Variants in CLEC16A observed in about 807,000 individuals in gnomAD.
The protein encoded by CLEC16A is C-type lectin domain containing 16A.
Under a neutral mutation model 109.5 loss-of-function variants are expected in CLEC16A, and 51 were observed. That is an observed-to-expected ratio of 0.47 (90% CI 0.37 to 0.59). CLEC16A has a LOEUF of 0.59. Ranked by LOEUF, CLEC16A falls within the 20% of genes least tolerant of loss-of-function variation. CLEC16A has a pLI of 0.00. For synonymous variants in CLEC16A, 673 were observed against 564.2 expected, an observed-to-expected ratio of 1.19 and a Z score of -2.73; for missense variants, 1,339 against 1,394.0, an observed-to-expected ratio of 0.96 and a Z score of 0.63.
At chr16:10,996,933 A>G (rs1314261646) in intron 10 of CLEC16A, among the ~76,000 whole-genome samples, 1 of 152,188 alleles carries the variant, frequency 6.6e-6, no homozygotes, top group Non-Finnish European at 1.5e-5. Flanking sequence ...AACTTCATTG[A>G]AAATCCTCTT....
At chr16:10,985,468 A>G (rs1002765653) in intron 10 of CLEC16A, among the ~76,000 whole-genome samples, 8 of 151,886 alleles carry the variant, frequency 5.3e-5, no homozygotes, top group African/African-American at 1.9e-4. Flanking sequence ...GTTTACCGTG[A>G]AACCTGCCCA....
intron 22 of CLEC16A, among the ~76,000 whole-genome samples, chr16:11,156,839 C>T (rs939898813): frequency 3.3e-5 from 5 of 152,096 alleles, no homozygotes; most frequent in Admixed American, 6.6e-5. Context: ...CCCCCATGTG[C>T]CATCCAACCC....
At chr16:10,979,034 C>G (rs1567533293) in intron 8 of CLEC16A, among the ~76,000 whole-genome samples, 1 of 152,052 alleles carries the variant, frequency 6.6e-6, no homozygotes, top group Non-Finnish European at 1.5e-5. Flanking sequence ...CCAGCTGGTA[C>G]AAATGAACGT....
At position 10,993,565 on chromosome 16, in the gene CLEC16A, T is replaced by G. The variant is rs180996856; in HGVS notation, c.1072-9509T>G. ...TCTCACACTGTTTCTATTCCAAGTC[T>G]TTTTATCACCACTTGCAATTATGTT... On this transcript the variant is annotated intron_variant, in intron 10 of 23. Coordinates refer to ENST00000409790, the MANE Select transcript of CLEC16A (RefSeq NM_015226.3). Among the ~76,000 whole-genome samples the G allele has an allele frequency of 1.2e-4, 18 of 152,356 alleles. No individual in the cohort carries two copies. In the East Asian group the frequency reaches 3.3e-3, roughly 28 times the overall value.
chr16:11,030,247 T>C (rs755204369), intron 13 of CLEC16A, among the ~76,000 whole-genome samples: 4 of 152,244 alleles, frequency 2.6e-5, no homozygotes, highest in Non-Finnish European at 5.9e-5. Flanking sequence ...TACATTCTTT[T>C]CTCTTGGATA....
At chr16:10,997,314 G>C (rs2044388411) in intron 10 of CLEC16A, among the ~76,000 whole-genome samples, 1 of 152,200 alleles carries the variant, frequency 6.6e-6, no homozygotes, top group African/African-American at 2.4e-5. Flanking sequence ...GTACATAAAA[G>C]TTTAGTAATC....
At chr16:11,126,515 G>A in intron 22 of CLEC16A, 1 of 883,936 alleles carries the variant, frequency 1.1e-6, no homozygotes, top group Non-Finnish European at 1.6e-6. Flanking sequence ...AGTGTGTTTG[G>A]TTCCGGTTAC....
intron 8 of CLEC16A, 104 bp downstream of exon 8, chr16:10,977,503 A>AC: frequency 1.9e-6 from 2 of 1,054,020 alleles, no homozygotes; most frequent in South Asian, 1.7e-5. Context: ...ATCAGGACTG[A>AC]GGTTTTTTTT....
At chr16:11,043,946 C>T in intron 15 of CLEC16A, 82 bp from the exon 16 acceptor site, 1 of 1,062,550 alleles carries the variant, frequency 9.4e-7, no homozygotes, top group Non-Finnish European at 1.4e-6. Context: ...TATACACACT[C>T]ATGTTTTAGA....
intron 22 of CLEC16A, among the ~76,000 whole-genome samples, chr16:11,143,238 G>A (rs997310822): frequency 2.0e-5 from 3 of 152,204 alleles, no homozygotes; most frequent in Non-Finnish European, 4.4e-5. Flanking sequence ...CATTACTAAT[G>A]CATTTATAAT....
chr16:11,042,509 C>A (rs1478659175), intron 15 of CLEC16A, 146 bp downstream of exon 15: 1 of 576,380 alleles, frequency 1.7e-6, no homozygotes, highest in East Asian at 3.0e-5. Context: ...TCTCTTGAGA[C>A]CCCACTCCAA....
intron 22 of CLEC16A, among the ~76,000 whole-genome samples, chr16:11,165,036 C>G (rs1333152857): frequency 2.6e-5 from 4 of 152,058 alleles, no homozygotes; most frequent in Non-Finnish European, 5.9e-5. Flanking sequence ...CTCGCCCCCC[C>G]ATATCTCCAC....
intron 19 of CLEC16A, among the ~76,000 whole-genome samples, chr16:11,061,833 G>A (rs1176620617): frequency 6.6e-6 from 1 of 152,166 alleles, no homozygotes; most frequent in Non-Finnish European, 1.5e-5. Context: ...CTGGATCCGG[G>A]TGCTCAGACA....
At chr16:11,132,365 G>A (rs1002324004) in intron 22 of CLEC16A, among the ~76,000 whole-genome samples, 2 of 151,838 alleles carry the variant, frequency 1.3e-5, no homozygotes, top group African/African-American at 4.8e-5. Context: ...GCTTCTTTCA[G>A]TTTGCATCAT....
At chr16:11,036,723 A>T (rs569456174) in intron 13 of CLEC16A, among the ~76,000 whole-genome samples, 1 of 151,758 alleles carries the variant, frequency 6.6e-6, no homozygotes, top group African/African-American at 2.4e-5. Flanking sequence ...TAATTTTTGT[A>T]TTTTTAGTAG....
intron 11 of CLEC16A, 28 bp downstream of exon 11, chr16:11,003,333 T>C (rs1365060887): frequency 6.3e-7 from 1 of 1,585,930 alleles, no homozygotes; most frequent in East Asian, 2.2e-5. Context: ...CGCCGCCCTG[T>C]GCCTGCGCCG....
chr16:10,976,481 G>A (rs989972840), intron 7 of CLEC16A, among the ~76,000 whole-genome samples: 9 of 151,796 alleles, frequency 5.9e-5, no homozygotes, highest in Non-Finnish European at 1.2e-4. Flanking sequence ...TGTTAATAGT[G>A]GATATTTGTT....
chr16:10,991,491 T>C (rs1253403802), intron 10 of CLEC16A, among the ~76,000 whole-genome samples: 1 of 147,552 alleles, frequency 6.8e-6, no homozygotes, highest in Non-Finnish European at 1.5e-5. Context: ...GTGCCTAGTG[T>C]GTTGGAGGAA....
intron 19 of CLEC16A, among the ~76,000 whole-genome samples, chr16:11,061,293 G>C (rs1281544250): frequency 1.3e-5 from 2 of 152,192 alleles, no homozygotes; most frequent in Non-Finnish European, 2.9e-5. Context: ...TCAAGCAAGG[G>C]TGAACAAACT....
Sources: allele counts gnomAD v4.1 joint callset (sites outside exome capture counted in the v4.1 genomes callset), GRCh38; gene constraint gnomAD v4.1.1; transcripts MANE v1.5; gene names NCBI Gene and HGNC (gene_info 2026-07-23, HGNC 2026-07-21).